ARHGEF2: variants seen among roughly 807,000 people sequenced by gnomAD.
The protein encoded by ARHGEF2 is rho guanine nucleotide exchange factor 2.
A neutral mutation model predicts 121.0 loss-of-function variants in ARHGEF2; 22 were observed. The ratio of observed to expected loss-of-function variants is 0.18; its 90% CI spans 0.13 to 0.26. The LOEUF (loss-of-function observed/expected upper bound fraction) is 0.26, where lower values mean the gene tolerates loss of function less well. Among genes scored for constraint, ARHGEF2 ranks in the 10% least tolerant of loss-of-function variants. The probability of loss-of-function intolerance (pLI) is 1.00; values close to 1 mark genes in which losing one functional copy is unlikely to be tolerated. For missense variants in ARHGEF2, 907 were observed against 1,336.0 expected (o/e 0.68, Z 5.01); for synonymous variants, 487 against 530.0 (o/e 0.92, Z 1.11).
rs1366737565 is a variant in ARHGEF2 at position 155,950,568 on chromosome 1, C to T, written c.2704-86G>A. 8 of 1,430,282 alleles carry T rather than the reference C, an allele frequency of 5.6e-6. No individual in the cohort carries two copies. The highest frequency in any genetic ancestry group is 2.3e-5 in the East Asian group (1 of 43,868). The allele number at this position is 1,430,282 out of a possible 1,614,324, so 88.6% of individuals were successfully genotyped here. ...TTCTGCTTGGCTGAAGGCAGCAGCT[C>T]TCCCCCCTGGGGCTCACCCATGAGT... On this transcript the variant is annotated intron_variant, in intron 20 of 21. Transcript: ENST00000361247. This position sits in a 1 kb window ranked among gnomAD's most constrained non-coding sequence, Gnocchi z 5.2.
intron 1 of ARHGEF2, chr1:155,970,325 C>A (rs1680220668): frequency 3.0e-6 from 3 of 985,594 alleles, no homozygotes; most frequent in Non-Finnish European, 3.6e-6. Context: ...AGTCATTCTC[C>A]CTGACCTCCA....
chr1:155,962,005 G>T lies in ARHGEF2; in HGVS notation c.1220-96C>A. 6.2e-7 allele frequency: 1 copy of T among 1,601,986 alleles called. No individual in the cohort carries two copies. The highest frequency in any genetic ancestry group is 8.5e-7 in the Non-Finnish European group (1 of 1,171,684). On this transcript the variant is annotated intron_variant, in intron 10 of 21. Coordinates refer to ENST00000361247, the MANE Select transcript of ARHGEF2 (RefSeq NM_001162383.2). The surrounding 1 kb of genome is among the most constrained non-coding windows in gnomAD (Gnocchi z 5.8). ...GATTCCACCTTTAGAGGCTGCCCAG[G>T]GTTTCACACCCGACCCCACCCTTCC...
chr1:155,954,584 G>A (rs1436043009), intron 14 of ARHGEF2, among the ~76,000 whole-genome samples: 13 of 122,174 alleles, frequency 1.1e-4, no homozygotes, highest in Non-Finnish European at 2.1e-4. Context: ...CACCGCGCCC[G>A]GCCAATCTAC....
chr1:155,951,141 A>G lies in ARHGEF2; in HGVS notation c.2391T>C (p.Pro797=). Residue 797 remains proline, a synonymous_variant, in exon 20 of 22, where the codon CCT becomes CCC. Transcript: ENST00000361247. The surrounding 1 kb of genome is among the most constrained non-coding windows in gnomAD (Gnocchi z 5.1). The part of the protein sequence containing the change: ...AGRAGAAPVA[P]EKQATELALL... Reference sequence around the variant, plus strand: ...ATGCCAGTTCCGTGGCCTGCTTTTCAGGGGCCACAGGGGCAGCCCCAGCCC... The same window carrying G: ...ATGCCAGTTCCGTGGCCTGCTTTTCGGGGGCCACAGGGGCAGCCCCAGCCC... 1 of 1,603,654 alleles carries G rather than the reference A, an allele frequency of 6.2e-7. No individual in the cohort carries two copies. The highest frequency in any genetic ancestry group is 2.2e-5 in the East Asian group (1 of 44,560).
At chr1:155,958,047 G>A (rs532897329) in intron 12 of ARHGEF2, among the ~76,000 whole-genome samples, 165 bp from the exon 13 acceptor site, 41 of 152,326 alleles carry the variant, frequency 2.7e-4, no homozygotes, top group African/African-American at 9.4e-4. Context: ...AGAAATGTGT[G>A]CAACCCTTGA....
At chr1:155,948,677 A>G (rs1674786239) in intron 21 of ARHGEF2, among the ~76,000 whole-genome samples, 1 of 152,098 alleles carries the variant, frequency 6.6e-6, no homozygotes, top group Non-Finnish European at 1.5e-5. Flanking sequence ...TCCCAGGCAC[A>G]GTGGTATGTA....
chr1:155,967,016 G>A, intron 2 of ARHGEF2, 129 bp from the exon 3 acceptor site: 1 of 815,512 alleles, frequency 1.2e-6, no homozygotes, highest in Non-Finnish European at 2.1e-6. Flanking sequence ...CCCGACTTCT[G>A]GGCCATTACC....
chr1:155,950,663 T>G lies in ARHGEF2; in HGVS notation c.2703+166A>C, dbSNP rs1675244037. 6.6e-6 allele frequency among the ~76,000 whole-genome samples: 1 copy of G among 152,136 alleles called. No homozygotes were observed. ...GACCCGAGTTAATTTCCTCCACCCC[T>G]GCACCCATCTACATTTCTTTTCAGT... On this transcript the variant is annotated intron_variant, in intron 20 of 21. Transcript: ENST00000361247. The surrounding 1 kb of genome is among the most constrained non-coding windows in gnomAD (Gnocchi z 5.2).
At chr1:155,954,127 AT>A (rs60911504) in intron 14 of ARHGEF2, among the ~76,000 whole-genome samples, 29 of 144,644 alleles carry the variant, frequency 2.0e-4, no homozygotes, top group African/African-American at 5.6e-4. Context: ...ATGCCTAGCT[AT>A]TTTTTTTTTT....
chr1:155,964,181 TATATATATATATATATAC>T (rs1678801118), intron 7 of ARHGEF2, among the ~76,000 whole-genome samples: 3 of 43,022 alleles, frequency 7.0e-5, no homozygotes, highest in African/African-American at 1.0e-4. Flanking sequence ...TATATATATA[TATATATATATATATATAC>T]ATATATATAT....
At chr1:155,978,937 A>G, upstream of ARHGEF2, 1 of 985,598 alleles carries the variant, frequency 1.0e-6, no homozygotes, top group Non-Finnish European at 1.2e-6. The surrounding 1 kb of genome is among the most constrained non-coding windows in gnomAD (Gnocchi z 4.1). Flanking sequence ...ACCCGCAGGC[A>G]GGAGAATTCC....
upstream of ARHGEF2, chr1:155,979,250 G>A (rs975519042): frequency 7.1e-6 from 7 of 985,434 alleles, no homozygotes; most frequent in South Asian, 9.4e-5. Flanking sequence ...GGGGGACTAG[G>A]TTGGGATTCT....
chr1:155,950,176 A>G lies in ARHGEF2; in HGVS notation c.2887+123T>C. 3 of 1,202,388 alleles carry G rather than the reference A, an allele frequency of 2.5e-6. No individual in the cohort carries two copies. Among genetic ancestry groups the G allele is most frequent in the Non-Finnish European group, 3.5e-6 (3 of 859,952 alleles). The allele number at this position is 1,202,388 out of a possible 1,614,324, so 74.5% of individuals were successfully genotyped here. A position where few individuals can be genotyped will look rare whatever the true frequency, so the allele number is the denominator to read the frequency against. ...CCATTCATCATCAGACAAAACAGGA[A>G]GTCCCTCCCTAGAGTTACTACAAGC... On this transcript the variant is annotated intron_variant, in intron 21 of 21. Transcript: ENST00000361247. The surrounding 1 kb of genome is among the most constrained non-coding windows in gnomAD (Gnocchi z 5.2).
Position 155,962,243 on chromosome 1 carries a change from C to A in ARHGEF2, c.1102-21G>T, listed in dbSNP as rs746837721. The A allele has an allele frequency of 3.7e-6, 6 of 1,610,452 alleles. No homozygotes were observed. In the Admixed American group the frequency reaches 1.0e-4, roughly 27 times the overall value. On this transcript the variant is annotated intron_variant, in intron 9 of 21. Transcript: ENST00000361247. This position sits in a 1 kb window ranked among gnomAD's most constrained non-coding sequence, Gnocchi z 5.8. ...ACTTTCTACAAGGGAGGAGGCAGGG[C>A]TCAGGGCCAGAGGGGAGGGCAACAG...
chr1:155,948,119 G>A, intron 21 of ARHGEF2, 104 bp from the exon 22 acceptor site: 1 of 853,342 alleles, frequency 1.2e-6, no homozygotes, highest in Middle Eastern at 2.3e-4. Flanking sequence ...GGGCTCTGGG[G>A]CTGTGAAGGG....
At chr1:155,964,226 T>A (rs1678869877) in intron 7 of ARHGEF2, among the ~76,000 whole-genome samples, 1 of 137,698 alleles carries the variant, frequency 7.3e-6, no homozygotes, top group Non-Finnish European at 1.5e-5. Flanking sequence ...ATTTTTTTTT[T>A]AGAGACAGAG....
chr1:155,962,537 G>C lies in ARHGEF2; in HGVS notation c.1101+56C>G. The C allele has an allele frequency of 6.2e-7, 1 of 1,601,044 alleles. No individual in the cohort carries two copies. Among genetic ancestry groups the C allele is most frequent in the Non-Finnish European group, 8.5e-7 (1 of 1,173,538 alleles). On this transcript the variant is annotated intron_variant, in intron 9 of 21. Coordinates refer to ENST00000361247, the MANE Select transcript of ARHGEF2 (RefSeq NM_001162383.2). This position sits in a 1 kb window ranked among gnomAD's most constrained non-coding sequence, Gnocchi z 5.8. ...TGCAGCTCACAGGCACTACCCCCAT[G>C]AGTTGGGGAGGGTGGGTTTGGGCCA...
chr1:155,961,908 C>T lies in ARHGEF2; in HGVS notation c.1221G>A (p.Gly407=). 1 of 1,613,752 alleles carries T rather than the reference C, an allele frequency of 6.2e-7. No homozygotes were observed. The highest frequency in any genetic ancestry group is 8.5e-7 in the Non-Finnish European group (1 of 1,179,714). The change falls in exon 11 of 22, where the codon GGG becomes GGA. Residue 407 remains glycine, a splice_region_variant and synonymous_variant. Coordinates refer to ENST00000361247, the MANE Select transcript of ARHGEF2 (RefSeq NM_001162383.2). The surrounding 1 kb of genome is among the most constrained non-coding windows in gnomAD (Gnocchi z 4.7). ...LISRILQHSH[G]IEEERQDLTT... is the part of the protein sequence containing the mutation. ...TCAGGTCCTGGCGCTCCTCCTCGAT[C>T]CCTGGCACCGGGGGTTGGCATGGGG... is the stretch of plus-strand genomic sequence containing the variant.
upstream of ARHGEF2, chr1:155,979,146 A>G: frequency 1.0e-6 from 1 of 985,506 alleles, no homozygotes; most frequent in Non-Finnish European, 1.2e-6. Flanking sequence ...GTCGAAGAAC[A>G]GAGAGGAGAG....
Sources: gnomAD v4.1 joint callset for allele counts (sites outside exome capture counted in the v4.1 genomes callset) on GRCh38, gnomAD v4.1.1 for gene constraint, Gnocchi (gnomAD v3.1) non-coding constraint, MANE v1.5 for transcripts, NCBI Gene and HGNC (gene_info 2026-07-23, HGNC 2026-07-21) for gene names.